The following TMEM217 variants were observed in gnomAD, a reference collection of about 807,000 sequenced individuals.
TMEM217 encodes chromosome 6 open reading frame 128.
For missense variants in TMEM217, 204 were observed against 248.8 expected, an observed-to-expected ratio of 0.82 and a Z score of 1.21; for synonymous variants, 76 against 88.3, an observed-to-expected ratio of 0.86 and a Z score of 0.78.
Position 37,220,925 on chromosome 6 carries a change from CATATATAATACACAGAT to C in TMEM217, c.-11-1901_-11-1885del, listed in dbSNP as rs1488492102. On this transcript the variant is annotated intron_variant, in intron 1 of 1. Coordinates refer to ENST00000357219, the Ensembl canonical transcript of TMEM217. ...TACTTTTATTATAGTATAATTCATG[CATATATAATACACAGAT>C]ATATATAATATATATACAAGATAAA... Among the ~76,000 whole-genome samples the C allele has an allele frequency of 3.9e-5, 6 of 152,012 alleles. No homozygotes were observed. In the East Asian group the frequency reaches 1.2e-3, roughly 29 times the overall value.
chr6:37,229,298 C>T (rs1295303735), intron 1 of TMEM217, among the ~76,000 whole-genome samples: 1 of 133,602 alleles, frequency 7.5e-6, no homozygotes, highest in African/African-American at 2.8e-5. Context: ...TTCAACAGGA[C>T]TTTGGAAAAT....
chr6:37,231,597 C>T (rs1481264247), intron 1 of TMEM217, among the ~76,000 whole-genome samples: 3 of 145,026 alleles, frequency 2.1e-5, no homozygotes, highest in Admixed American at 7.0e-5. Context: ...GGCGTGAACC[C>T]GGGAGGTGGG....
chr6:37,225,373 T>A (rs73417847), intron 1 of TMEM217, among the ~76,000 whole-genome samples: 7,159 of 151,764 alleles, frequency 0.047, 587 homozygotes, highest in African/African-American at 0.16. Context: ...CATCATAGTT[T>A]AAAAAAAACA....
chr6:37,213,260 G>T (rs1185447083), downstream of TMEM217, among the ~76,000 whole-genome samples: 1 of 152,218 alleles, frequency 6.6e-6, no homozygotes, highest in Non-Finnish European at 1.5e-5. Flanking sequence ...CTTCAGCTTT[G>T]CTTTAAAGTG....
chr6:37,224,316 T>C (rs1421202914), intron 1 of TMEM217, among the ~76,000 whole-genome samples: 1 of 150,942 alleles, frequency 6.6e-6, no homozygotes, highest in Non-Finnish European at 1.5e-5. Flanking sequence ...AAATTTTTTT[T>C]AGCTGGGTGC....
intron 1 of TMEM217, among the ~76,000 whole-genome samples, chr6:37,225,207 GA>G (rs955506879): frequency 2.0e-5 from 3 of 150,870 alleles, no homozygotes; most frequent in Non-Finnish European, 3.0e-5. Context: ...CTAAAAAAAA[GA>G]AAAAAAAATT....
At chr6:37,226,335 C>G (rs1229628569) in intron 1 of TMEM217, among the ~76,000 whole-genome samples, 2 of 135,134 alleles carry the variant, frequency 1.5e-5, no homozygotes, top group Non-Finnish European at 3.1e-5. Context: ...CTCTTTCGCC[C>G]AGGCTGGAGT....
intron 1 of TMEM217, among the ~76,000 whole-genome samples, chr6:37,237,290 A>G (rs1015896266): frequency 1.3e-5 from 2 of 152,206 alleles, no homozygotes; most frequent in African/African-American, 4.8e-5. Context: ...ACAAGAAAAT[A>G]TTCACAAGTG....
chr6:37,237,290 A>T (rs1015896266), intron 1 of TMEM217, among the ~76,000 whole-genome samples: 7 of 152,206 alleles, frequency 4.6e-5, no homozygotes, highest in African/African-American at 1.7e-4. Context: ...ACAAGAAAAT[A>T]TTCACAAGTG....
chr6:37,226,459 ATT>A (rs1262666941), intron 1 of TMEM217, among the ~76,000 whole-genome samples: 1 of 144,042 alleles, frequency 6.9e-6, no homozygotes. Flanking sequence ...CGCCCAGCTA[ATT>A]TTTTTTTTTG....
downstream of TMEM217, among the ~76,000 whole-genome samples, chr6:37,215,570 CAAAAAAAAAAAAA>C (rs34808595): frequency 2.6e-4 from 19 of 72,368 alleles, no homozygotes; most frequent in African/African-American, 1.0e-3. Context: ...GACTCTGTCT[CAAAAAAAAAAAAA>C]AAAAAAAAAA....
intron 1 of TMEM217, among the ~76,000 whole-genome samples, chr6:37,232,188 A>G (rs915484953): frequency 2.0e-5 from 3 of 152,210 alleles, no homozygotes; most frequent in African/African-American, 7.2e-5. Context: ...GCTTCGTTCC[A>G]AAAAATAGAA....
At chr6:37,235,973 C>T (rs1562015286) in intron 1 of TMEM217, among the ~76,000 whole-genome samples, 1 of 152,048 alleles carries the variant, frequency 6.6e-6, no homozygotes, top group Non-Finnish European at 1.5e-5. Flanking sequence ...CAAACCACAG[C>T]AATATCTTTA....
chr6:37,236,014 A>G (rs1764482980), intron 1 of TMEM217, among the ~76,000 whole-genome samples: 1 of 152,232 alleles, frequency 6.6e-6, no homozygotes, highest in Admixed American at 6.5e-5. Context: ...TACTAGAAAA[A>G]TAAAGCTAGA....
chr6:37,241,926 C>T (rs866285069), intron 1 of TMEM217, among the ~76,000 whole-genome samples: 5 of 151,838 alleles, frequency 3.3e-5, no homozygotes, highest in African/African-American at 4.8e-5. Flanking sequence ...ATGGCTTTAT[C>T]GCGTTGTCTT....
chr6:37,212,189 A>G (rs1762946482), exon 4 of TMEM217: 1 of 303,642 alleles, frequency 3.3e-6, no homozygotes, highest in African/African-American at 2.2e-5. Context: ...GAGATGGTTA[A>G]GTAAGCACAA....
downstream of TMEM217, among the ~76,000 whole-genome samples, chr6:37,216,910 C>G (rs140996908): frequency 1.1e-3 from 164 of 152,280 alleles, 1 homozygote; most frequent in Middle Eastern, 3.4e-3. Context: ...AGAGCAGGCC[C>G]TTACCAGACA....
At chr6:37,214,266 C>T (rs1331751175), downstream of TMEM217, among the ~76,000 whole-genome samples, 1 of 152,172 alleles carries the variant, frequency 6.6e-6, no homozygotes, top group Non-Finnish European at 1.5e-5. Flanking sequence ...CTTGCTCTGT[C>T]ACCCAGGCTG....
At chr6:37,229,096 A>G (rs1764024628) in intron 1 of TMEM217, among the ~76,000 whole-genome samples, 1 of 152,144 alleles carries the variant, frequency 6.6e-6, no homozygotes. Context: ...TTTCATAACA[A>G]TCTTGAGGAT....
Sources: allele counts gnomAD v4.1 joint callset (sites outside exome capture counted in the v4.1 genomes callset), GRCh38; gene constraint gnomAD v4.1.1; transcripts MANE v1.5; gene names NCBI Gene and HGNC (gene_info 2026-07-23, HGNC 2026-07-21).